The following CFAP58 variants were observed in gnomAD, a reference collection of about 807,000 sequenced individuals.
The protein encoded by CFAP58 is cilia and flagella associated protein 58.
CFAP58 carries 88 observed loss-of-function variants against 119.5 expected under a neutral mutation model. The observed-to-expected ratio is 0.74, with a 90% CI of 0.62 to 0.88. The LOEUF (loss-of-function observed/expected upper bound fraction) is 0.88, where lower values mean the gene tolerates loss of function less well. Among genes scored for constraint, CFAP58 ranks in the 40% least tolerant of loss-of-function variants. The pLI, the probability that CFAP58 is intolerant of heterozygous loss-of-function variation, is 0.00. For missense variants in CFAP58, 990 were observed against 1,021.2 expected (o/e 0.97, Z 0.42); for synonymous variants, 365 against 366.3 (o/e 1.00, Z 0.04).
At chr10:104,348,436 C>T in the CFAP58 span, among the ~76,000 whole-genome samples, 8 of 152,106 alleles carry the variant, frequency 5.3e-5, no homozygotes, top group East Asian at 3.8e-4. Context: ...TTCTAAGAGG[C>T]GATTCTATCC....
In CFAP58 at chr10:104,396,369, T is replaced by TGAGAGAGAGAGAGAGAGAGAGAGAGAGA. The variant is rs57210958; in HGVS notation, c.1674+2937_1675-2921dup. 1.4e-4 allele frequency among the ~76,000 whole-genome samples: 12 copies of TGAGAGAGAGAGAGAGAGAGAGAGAGAGA among 86,892 alleles called. 1 individual carries two copies. Among genetic ancestry groups the TGAGAGAGAGAGAGAGAGAGAGAGAGAGA allele is most frequent in the Admixed American group, 3.0e-4 (2 of 6,692 alleles). The allele number at this position is 86,892 out of a possible 152,430, so 57.0% of individuals were successfully genotyped here. On this transcript the variant is annotated intron_variant, in intron 11 of 17. Coordinates refer to ENST00000369704, the MANE Select transcript of CFAP58 (RefSeq NM_001008723.2). ...GCCATGGATAGGGAGCTGTTATCCA[T>TGAGAGAGAGAGAGAGAGAGAGAGAGAGA]GAGAGAGAGAGAGAGAGAGAGAGAG...
chr10:104,404,177 T>C (rs1010501303), intron 14 of CFAP58, among the ~76,000 whole-genome samples: 1 of 152,220 alleles, frequency 6.6e-6, no homozygotes, highest in African/African-American at 2.4e-5. Flanking sequence ...TGGATGTTCG[T>C]GGCCTTTAAT....
In CFAP58 at chr10:104,362,090, T is replaced by C; in HGVS notation, c.359T>C (p.Ile120Thr). 6.2e-7 allele frequency: 1 copy of C among 1,614,136 alleles called. No individual in the cohort carries two copies. Among genetic ancestry groups the C allele is most frequent in the South Asian group, 1.1e-5 (1 of 91,076 alleles). The change falls in exon 3 of 18, where the codon ATT (isoleucine) becomes ACT (threonine). Residue 120 changes from isoleucine (I) to threonine (T), a missense_variant. Transcript: ENST00000369704. ...YDKEQKAKET[I>T]LALKEEIVNL... ...AAAGAGCAGAAGGCCAAGGAGACGA[T>C]TCTTGCTCTGAAAGAGGAAATAGTG...
intron 15 of CFAP58, among the ~76,000 whole-genome samples, chr10:104,413,197 C>G (rs1245553392): frequency 6.6e-6 from 1 of 152,202 alleles, no homozygotes; most frequent in African/African-American, 2.4e-5. Flanking sequence ...AGTTCGTCTT[C>G]GAGCTCTGAG....
At chr10:104,357,886 TATAAACATATATGTACAC>T (rs1564875773) in intron 1 of CFAP58, among the ~76,000 whole-genome samples, 1 of 121,446 alleles carries the variant, frequency 8.2e-6, no homozygotes, top group African/African-American at 4.1e-5. Context: ...TGTACACATA[TATAAACATATATGTACAC>T]ATATACACAC....
intron 7 of CFAP58, among the ~76,000 whole-genome samples, chr10:104,375,945 T>G (rs2133005596): frequency 6.6e-6 from 1 of 152,232 alleles, no homozygotes; most frequent in East Asian, 1.9e-4. Flanking sequence ...AGCTTTCAGA[T>G]AGCAGACTTC....
At chr10:104,378,013 G>A (rs2011706116) in intron 8 of CFAP58, among the ~76,000 whole-genome samples, 1 of 152,050 alleles carries the variant, frequency 6.6e-6, no homozygotes, top group South Asian at 2.1e-4. Flanking sequence ...CAACCAATAG[G>A]TTTTCTGCCA....
At chr10:104,424,998 T>C (rs1433475207) in intron 15 of CFAP58, among the ~76,000 whole-genome samples, 1 of 152,170 alleles carries the variant, frequency 6.6e-6, no homozygotes, top group African/African-American at 2.4e-5. Context: ...CCTCTGACCT[T>C]GGGCAAGTAA....
chr10:104,338,607 C>G, the CFAP58 span, among the ~76,000 whole-genome samples: 1 of 152,336 alleles, frequency 6.6e-6, no homozygotes, highest in African/African-American at 2.4e-5. Flanking sequence ...AGTGAGCCCC[C>G]AGAAACTTCC....
the CFAP58 span, among the ~76,000 whole-genome samples, chr10:104,341,470 A>C: frequency 8.6e-5 from 13 of 151,724 alleles, no homozygotes; most frequent in African/African-American, 3.1e-4. Flanking sequence ...TAGGACTATG[A>C]AAAAAGAACA....
intron 9 of CFAP58, among the ~76,000 whole-genome samples, chr10:104,383,391 A>T (rs2011856770): frequency 6.6e-6 from 1 of 152,204 alleles, no homozygotes; most frequent in East Asian, 1.9e-4. Context: ...CACATGAGAG[A>T]CACCAAAAAA....
chr10:104,347,535 A>G, the CFAP58 span, among the ~76,000 whole-genome samples: 1 of 152,058 alleles, frequency 6.6e-6, no homozygotes, highest in African/African-American at 2.4e-5. Context: ...AACAGTCTGG[A>G]GGAAAAATAT....
chr10:104,452,182 A>T (rs2013207512), intron 17 of CFAP58, among the ~76,000 whole-genome samples: 1 of 151,992 alleles, frequency 6.6e-6, no homozygotes, highest in Admixed American at 6.5e-5. Context: ...CCAGTTTGTA[A>T]CTCTTAGGCA....
At chr10:104,385,709 C>T (rs544294195) in intron 9 of CFAP58, among the ~76,000 whole-genome samples, 1 of 152,216 alleles carries the variant, frequency 6.6e-6, no homozygotes, top group Admixed American at 6.5e-5. Context: ...AACCAGCCTA[C>T]AGAGAGTTGG....
chr10:104,442,212 G>T (rs926369788), intron 15 of CFAP58, among the ~76,000 whole-genome samples: 2 of 152,094 alleles, frequency 1.3e-5, no homozygotes, highest in Non-Finnish European at 2.9e-5. Context: ...CTGGAAAAGA[G>T]TTATGTGTGC....
At chr10:104,411,769 T>A (rs1241718656) in intron 15 of CFAP58, among the ~76,000 whole-genome samples, 1 of 152,142 alleles carries the variant, frequency 6.6e-6, no homozygotes. Context: ...ACTTTTTTTT[T>A]TTTCCCCCAC....
rs1165193043 is a variant in CFAP58 at position 104,392,388 on chromosome 10, G to A, written c.1521G>A (p.Glu507=). The change falls in exon 10 of 18, where the codon GAG becomes GAA. Residue 507 remains glutamate, a synonymous_variant. Coordinates refer to ENST00000369704, the MANE Select transcript of CFAP58 (RefSeq NM_001008723.2). ...ATCTGTATAGCAAAAATCTGGTTGA[G>A]GCTCAGGTAAATAATATATTTATAT... The part of the protein sequence containing the change: ...DRNLYSKNLV[E]AQDEITDMKR... 10 of 1,576,704 alleles carry A rather than the reference G, an allele frequency of 6.3e-6. No homozygotes were observed. Among genetic ancestry groups the A allele is most frequent in the South Asian group, 3.5e-5 (3 of 85,018 alleles).
intron 15 of CFAP58, among the ~76,000 whole-genome samples, chr10:104,423,021 T>C (rs1422170025): frequency 6.6e-6 from 1 of 152,264 alleles, no homozygotes; most frequent in Non-Finnish European, 1.5e-5. Flanking sequence ...CTTTTTTTAA[T>C]CCTTTGTTGG....
intron 9 of CFAP58, among the ~76,000 whole-genome samples, chr10:104,387,762 C>T (rs1458743985): frequency 6.6e-6 from 1 of 152,180 alleles, no homozygotes; most frequent in South Asian, 2.1e-4. Flanking sequence ...TCACATGATG[C>T]ACTTGCCTCA....
Sources: allele counts gnomAD v4.1 joint callset (sites outside exome capture counted in the v4.1 genomes callset), GRCh38; gene constraint gnomAD v4.1.1; transcripts MANE v1.5; gene names NCBI Gene and HGNC (gene_info 2026-07-23, HGNC 2026-07-21).